The following PPM1H variants were observed in gnomAD, a reference collection of about 807,000 sequenced individuals.
The protein encoded by PPM1H is protein phosphatase, Mg2+/Mn2+ dependent 1H.
Under a neutral mutation model 54.9 loss-of-function variants are expected in PPM1H, and 27 were observed. That is an observed-to-expected ratio of 0.49 (90% CI 0.36 to 0.68). The LOEUF is 0.68. Ranked by LOEUF, PPM1H falls within the 30% of genes least tolerant of loss-of-function variation. The pLI is 0.00. For synonymous variants in PPM1H, 305 were observed against 270.8 expected (o/e 1.13, Z -1.24); for missense variants, 596 against 667.8 (o/e 0.89, Z 1.19).
chr12:62,654,768 A>T (rs576547032), intron 9 of PPM1H, among the ~76,000 whole-genome samples: 2 of 152,276 alleles, frequency 1.3e-5, no homozygotes, highest in East Asian at 3.9e-4. Context: ...CCTGTGTGGT[A>T]AACCTACCCA....
At chr12:62,650,107 G>GACTT (rs1055805699) in intron 9 of PPM1H, among the ~76,000 whole-genome samples, 4 of 152,150 alleles carry the variant, frequency 2.6e-5, no homozygotes, top group Non-Finnish European at 4.4e-5. Context: ...AAAATTCACA[G>GACTT]ACTTTCATGT....
intron 4 of PPM1H, among the ~76,000 whole-genome samples, chr12:62,741,309 A>G (rs1016286976): frequency 2.0e-5 from 3 of 152,136 alleles, no homozygotes; most frequent in Non-Finnish European, 4.4e-5. Context: ...GGTTTCCATC[A>G]GAGCTTACCT....
chr12:62,823,118 T>C (rs2076914668), intron 2 of PPM1H, among the ~76,000 whole-genome samples: 1 of 152,068 alleles, frequency 6.6e-6, no homozygotes. Flanking sequence ...TATAAACACC[T>C]CTACACAAAT....
intron 6 of PPM1H, among the ~76,000 whole-genome samples, chr12:62,714,070 G>A (rs899535880): frequency 2.6e-5 from 4 of 152,156 alleles, no homozygotes; most frequent in East Asian, 1.9e-4. Flanking sequence ...CTATACCCAC[G>A]CTCTTCTACT....
intron 4 of PPM1H, among the ~76,000 whole-genome samples, chr12:62,770,290 G>A (rs190058704): frequency 3.6e-4 from 55 of 152,080 alleles, no homozygotes; most frequent in African/African-American, 1.3e-3. Context: ...TCACAGATAA[G>A]GCCTCTTATT....
intron 8 of PPM1H, among the ~76,000 whole-genome samples, chr12:62,682,753 T>C (rs959877986): frequency 3.3e-5 from 5 of 152,028 alleles, no homozygotes; most frequent in African/African-American, 1.2e-4. Flanking sequence ...ATCCTCCCAC[T>C]TCAGCCTCCC....
At chr12:62,737,024 C>G (rs1336222395) in intron 5 of PPM1H, among the ~76,000 whole-genome samples, 1 of 151,984 alleles carries the variant, frequency 6.6e-6, no homozygotes, top group African/African-American at 2.4e-5. Context: ...TTCCAAAGGG[C>G]CTGTAAGACT....
At chr12:62,659,609 T>TAAAAG (rs1159524449) in intron 9 of PPM1H, among the ~76,000 whole-genome samples, 1 of 151,918 alleles carries the variant, frequency 6.6e-6, no homozygotes, top group Non-Finnish European at 1.5e-5. Flanking sequence ...CACTAGGAGG[T>TAAAAG]AAAAGAAAAA....
At chr12:62,804,268 C>G (rs941803036) in intron 2 of PPM1H, among the ~76,000 whole-genome samples, 2 of 150,924 alleles carry the variant, frequency 1.3e-5, no homozygotes, top group Non-Finnish European at 2.9e-5. Context: ...ATGGGAGAAT[C>G]CCTTGAATCG....
chr12:62,663,544 C>T (rs117458801), intron 9 of PPM1H, among the ~76,000 whole-genome samples: 2,411 of 152,134 alleles, frequency 0.016, 35 homozygotes, highest in Middle Eastern at 0.037. Context: ...CTCAAAGGAC[C>T]GTGCTTTTCA....
At chr12:62,839,878 A>AAAAAAACAAAAAC (rs1266164446) in intron 1 of PPM1H, among the ~76,000 whole-genome samples, 4 of 150,248 alleles carry the variant, frequency 2.7e-5, no homozygotes, top group African/African-American at 9.9e-5. Context: ...TTTCTACAAA[A>AAAAAAACAAAAAC]AAAAAAAAAA....
At chr12:62,815,983 T>A (rs1285495142) in intron 2 of PPM1H, among the ~76,000 whole-genome samples, 2 of 152,180 alleles carry the variant, frequency 1.3e-5, no homozygotes, top group Admixed American at 1.3e-4. Flanking sequence ...AGTTTCTGAG[T>A]TGACAGGGGA....
chr12:62,720,160 C>T lies in PPM1H; in HGVS notation c.1073+11G>A. 1 of 1,569,998 alleles carries T rather than the reference C, an allele frequency of 6.4e-7. No homozygotes were observed. On this transcript the variant is annotated intron_variant, in intron 6 of 9. Transcript: ENST00000228705. ...TGTGTGGTTCCGAGGCAGAGGAAGG[C>T]ATGTTCTTACCAGCCTGTCATATTA...
At chr12:62,820,764 G>A (rs1353093017) in intron 2 of PPM1H, among the ~76,000 whole-genome samples, 1 of 152,148 alleles carries the variant, frequency 6.6e-6, no homozygotes, top group Non-Finnish European at 1.5e-5. Flanking sequence ...CCCATCTGTA[G>A]GTCACTAGCA....
chr12:62,681,601 C>T lies in PPM1H; in HGVS notation c.1245+8098G>A, dbSNP rs147645795. Among the ~76,000 whole-genome samples the T allele has an allele frequency of 4.6e-5, 7 of 152,316 alleles. No individual in the cohort carries two copies. The East Asian group carries it at 7.7e-4, about 17-fold the overall frequency. ...AAGGCAAATTTTATTTCACACTAGACGATTTCTTCCTTTCTTTAAAAAAAG... is the reference window on the plus strand; with the variant it reads ...AAGGCAAATTTTATTTCACACTAGATGATTTCTTCCTTTCTTTAAAAAAAG... On this transcript the variant is annotated intron_variant, in intron 8 of 9. Coordinates refer to ENST00000228705, the MANE Select transcript of PPM1H (RefSeq NM_020700.2).
chr12:62,856,620 T>C (rs1869399364), intron 1 of PPM1H, among the ~76,000 whole-genome samples: 1 of 152,214 alleles, frequency 6.6e-6, no homozygotes, highest in Admixed American at 6.5e-5. Context: ...GATGATATGG[T>C]AATTGCCCTG....
intron 3 of PPM1H, among the ~76,000 whole-genome samples, chr12:62,791,625 A>G (rs750718357): frequency 2.8e-4 from 42 of 152,206 alleles, no homozygotes; most frequent in South Asian, 6.2e-4. Context: ...TATTTATTAA[A>G]AATTATTTGA....
rs932737279 is a variant in PPM1H at position 62,934,325 on chromosome 12, G to A, written c.245+167C>T. Reference sequence around the variant, plus strand: ...CTTGGGCTGGGGGAAGAGGGAGTGGGGAGAAGAGGGAAATGGCCAGTGTAA... The same window carrying A: ...CTTGGGCTGGGGGAAGAGGGAGTGGAGAGAAGAGGGAAATGGCCAGTGTAA... On this transcript the variant is annotated intron_variant, in intron 1 of 9. Transcript: ENST00000228705. The surrounding 1 kb of genome is among the most constrained non-coding windows in gnomAD (Gnocchi z 4.2). Among the ~76,000 whole-genome samples the A allele has an allele frequency of 3.3e-5, 5 of 152,182 alleles. No individual in the cohort carries two copies. Among genetic ancestry groups the A allele is most frequent in the Non-Finnish European group, 7.3e-5 (5 of 68,034 alleles).
chr12:62,821,126 C>A (rs905827174), intron 2 of PPM1H, among the ~76,000 whole-genome samples: 2 of 152,032 alleles, frequency 1.3e-5, no homozygotes, highest in African/African-American at 4.8e-5. Context: ...GTAACGCATG[C>A]ACAAGCTTCG....
Sources: gnomAD v4.1 joint callset for allele counts (sites outside exome capture counted in the v4.1 genomes callset) on GRCh38, gnomAD v4.1.1 for gene constraint, Gnocchi (gnomAD v3.1) non-coding constraint, MANE v1.5 for transcripts, NCBI Gene and HGNC (gene_info 2026-07-23, HGNC 2026-07-21) for gene names.